Variants in NCKAP5 observed in about 807,000 individuals in gnomAD.
NCKAP5 encodes the protein NCK associated protein 5, also known as nck-associated protein 5.
NCKAP5 carries 92 observed loss-of-function variants against 167.0 expected under a neutral mutation model. The ratio of observed to expected loss-of-function variants is 0.55; its 90% CI spans 0.47 to 0.66. The LOEUF is 0.66. NCKAP5 is among the 30% of genes least tolerant of loss of function. The pLI is 0.00. For missense variants in NCKAP5, 2,378 were observed against 2,315.0 expected, an observed-to-expected ratio of 1.03 and a Z score of -0.56; for synonymous variants, 891 against 877.4, an observed-to-expected ratio of 1.02 and a Z score of -0.27.
At chr2:133,488,277 C>T (rs929168478) in intron 3 of NCKAP5, among the ~76,000 whole-genome samples, 8 of 152,086 alleles carry the variant, frequency 5.3e-5, no homozygotes, top group African/African-American at 1.9e-4. Context: ...ACCATATCAT[C>T]TTTGATGAAA....
chr2:133,219,260 C>T (rs953844403), intron 4 of NCKAP5, among the ~76,000 whole-genome samples: 1 of 152,212 alleles, frequency 6.6e-6, no homozygotes, highest in Non-Finnish European at 1.5e-5. Flanking sequence ...CGGCTGCTAG[C>T]CTTCCGTATC....
At chr2:133,024,417 T>C (rs1353041748) in intron 6 of NCKAP5, among the ~76,000 whole-genome samples, 1 of 152,200 alleles carries the variant, frequency 6.6e-6, no homozygotes, top group Middle Eastern at 3.2e-3. Context: ...ATACTCATTA[T>C]GCAATCAAAT....
intron 19 of NCKAP5, among the ~76,000 whole-genome samples, chr2:132,705,629 T>C (rs912070328): frequency 1.3e-5 from 2 of 151,974 alleles, no homozygotes; most frequent in Admixed American, 6.6e-5. Flanking sequence ...AAATTCTGAA[T>C]CATGATGTGT....
chr2:132,908,672 A>G (rs1214298927), intron 8 of NCKAP5, among the ~76,000 whole-genome samples: 1 of 152,196 alleles, frequency 6.6e-6, no homozygotes, highest in South Asian at 2.1e-4. Context: ...CTTGTTTACT[A>G]TAGTCCACTG....
At chr2:133,235,286 C>T (rs1444373334) in intron 4 of NCKAP5, among the ~76,000 whole-genome samples, 2 of 152,076 alleles carry the variant, frequency 1.3e-5, no homozygotes, top group African/African-American at 4.8e-5. Flanking sequence ...GTGCACATTC[C>T]AAACTGAGGT....
chr2:133,106,456 G>A (rs376313923), intron 6 of NCKAP5, among the ~76,000 whole-genome samples: 14 of 152,122 alleles, frequency 9.2e-5, no homozygotes, highest in East Asian at 5.8e-4. Context: ...CCTGCTCAGT[G>A]GGCAATTATT....
intron 5 of NCKAP5, among the ~76,000 whole-genome samples, chr2:133,210,264 TTGTAAG>T (rs2086153426): frequency 6.6e-6 from 1 of 151,260 alleles, no homozygotes; most frequent in Non-Finnish European, 1.5e-5. Flanking sequence ...ATCTTAAAAC[TTGTAAG>T]TGTAGAGATT....
intron 3 of NCKAP5, among the ~76,000 whole-genome samples, chr2:133,424,248 C>G (rs1689654551): frequency 6.6e-6 from 1 of 152,164 alleles, no homozygotes; most frequent in Non-Finnish European, 1.5e-5. Flanking sequence ...AAGAGTCCTT[C>G]TCAGGCTGCT....
chr2:132,960,909 G>A (rs2076492617), intron 8 of NCKAP5, among the ~76,000 whole-genome samples: 1 of 152,100 alleles, frequency 6.6e-6, no homozygotes, highest in Non-Finnish European at 1.5e-5. Flanking sequence ...CAAGAGATTA[G>A]GGCATACAAA....
chr2:133,557,785 T>G (rs1159786349), intron 2 of NCKAP5, among the ~76,000 whole-genome samples: 1 of 152,202 alleles, frequency 6.6e-6, no homozygotes, highest in Non-Finnish European at 1.5e-5. Flanking sequence ...ACGAATCACC[T>G]CGGCACTTTG....
At chr2:132,913,217 C>T (rs1247522919) in intron 8 of NCKAP5, among the ~76,000 whole-genome samples, 2 of 151,986 alleles carry the variant, frequency 1.3e-5, no homozygotes, top group Non-Finnish European at 2.9e-5. Flanking sequence ...ACAGTCAGTC[C>T]ACACAGAAAT....
At chr2:133,389,440 T>C (rs1018300579) in intron 3 of NCKAP5, among the ~76,000 whole-genome samples, 1 of 152,134 alleles carries the variant, frequency 6.6e-6, no homozygotes, top group African/African-American at 2.4e-5. Context: ...CCTGAGTTAG[T>C]CCCAGGTAAG....
intron 19 of NCKAP5, among the ~76,000 whole-genome samples, chr2:132,715,489 C>G (rs1198488280): frequency 6.6e-6 from 1 of 152,106 alleles, no homozygotes; most frequent in African/African-American, 2.4e-5. Flanking sequence ...TTTTTTTCAT[C>G]TAATTGCAAT....
the NCKAP5 span, among the ~76,000 whole-genome samples, chr2:133,657,202 G>A: frequency 2.0e-4 from 30 of 152,202 alleles, no homozygotes; most frequent in South Asian, 2.3e-3. Context: ...ACATCAACAC[G>A]AAACACCTCA....
intron 6 of NCKAP5, among the ~76,000 whole-genome samples, chr2:133,020,256 G>T (rs1415649568): frequency 6.6e-6 from 1 of 152,172 alleles, no homozygotes; most frequent in Non-Finnish European, 1.5e-5. Flanking sequence ...ATAAGCTGTA[G>T]AATTTGGACT....
At chr2:133,193,267 T>G (rs1008099308) in intron 5 of NCKAP5, among the ~76,000 whole-genome samples, 5 of 151,970 alleles carry the variant, frequency 3.3e-5, no homozygotes, top group Non-Finnish European at 4.4e-5. Flanking sequence ...GAAGGGGAAA[T>G]GGTTGTGGCT....
intron 3 of NCKAP5, among the ~76,000 whole-genome samples, chr2:133,498,530 C>T (rs59593058): frequency 0.014 from 1,328 of 95,006 alleles, 15 homozygotes; most frequent in Admixed American, 0.017. Context: ...AAGAAAAGGG[C>T]GGCAGGGAGG....
chr2:133,340,313 G>A (rs866506269), intron 3 of NCKAP5, among the ~76,000 whole-genome samples: 5 of 152,036 alleles, frequency 3.3e-5, no homozygotes, highest in Admixed American at 6.6e-5. Flanking sequence ...GCAGCTCTTC[G>A]TCTCCTCATC....
At chr2:133,650,901 A>C in the NCKAP5 span, among the ~76,000 whole-genome samples, 7 of 152,234 alleles carry the variant, frequency 4.6e-5, no homozygotes, top group East Asian at 3.9e-4. Context: ...AACAAACAAA[A>C]AAAAGGTACC....
Sources: allele counts gnomAD v4.1 joint callset (sites outside exome capture counted in the v4.1 genomes callset), GRCh38; gene constraint gnomAD v4.1.1; transcripts MANE v1.5; gene names NCBI Gene and HGNC (gene_info 2026-07-23, HGNC 2026-07-21).